Variants in TLL2 observed in about 807,000 individuals in gnomAD.
TLL2 encodes the protein tolloid-like protein 2.
In TLL2, 106 loss-of-function variants were observed where a neutral mutation model predicts 123.0. That is an observed-to-expected ratio of 0.86 (90% CI 0.74 to 1.01). The LOEUF is 1.01. TLL2 is among the 50% of genes least tolerant of loss of function. The probability of loss-of-function intolerance (pLI) is 0.00; values close to 1 mark genes in which losing one functional copy is unlikely to be tolerated. For missense variants in TLL2, 1,332 were observed against 1,336.7 expected (o/e 1.00, Z 0.06); for synonymous variants, 494 against 516.8 (o/e 0.96, Z 0.60).
intron 1 of TLL2, among the ~76,000 whole-genome samples, chr10:96,492,701 T>G (rs1267516601): frequency 2.0e-5 from 3 of 152,230 alleles, no homozygotes; most frequent in Non-Finnish European, 4.4e-5. Context: ...TAAGAAATGC[T>G]GTTAAACCAC....
chr10:96,409,923 A>G (rs1846484592), intron 9 of TLL2, among the ~76,000 whole-genome samples: 1 of 152,146 alleles, frequency 6.6e-6, no homozygotes, highest in South Asian at 2.1e-4. Flanking sequence ...GAGGAGTGTA[A>G]GATGCTTAGG....
chr10:96,503,849 G>A (rs1240052135), intron 1 of TLL2, among the ~76,000 whole-genome samples: 1 of 152,194 alleles, frequency 6.6e-6, no homozygotes, highest in Non-Finnish European at 1.5e-5. Flanking sequence ...ATGGGCTTTG[G>A]TGCTCAGGGA....
intron 1 of TLL2, among the ~76,000 whole-genome samples, chr10:96,481,382 G>A (rs186166673): frequency 1.3e-5 from 2 of 152,068 alleles, no homozygotes; most frequent in South Asian, 2.1e-4. Flanking sequence ...CTCCTGCCTC[G>A]GCCTCTCAAA....
At chr10:96,403,445 C>T (rs2134066559) in intron 10 of TLL2, among the ~76,000 whole-genome samples, 1 of 152,344 alleles carries the variant, frequency 6.6e-6, no homozygotes, top group South Asian at 2.1e-4. Context: ...CTGGAGCTCA[C>T]AAAAACATGT....
At position 96,487,400 on chromosome 10, in the gene TLL2, A is replaced by T. The variant is rs547448434; in HGVS notation, c.176-6941T>A. ...TTCCATCACCACTATTTGCCCTCCC[A>T]CCCCGACACACTCTTTCCTTTCTCT... On this transcript the variant is annotated intron_variant, in intron 1 of 20. Transcript: ENST00000357947. Among the ~76,000 whole-genome samples, 141 of 149,862 alleles carry T rather than the reference A, an allele frequency of 9.4e-4. 1 individual carries two copies. Among genetic ancestry groups the T allele is most frequent in the African/African-American group, 3.3e-3 (136 of 40,662 alleles).
intron 1 of TLL2, among the ~76,000 whole-genome samples, chr10:96,511,627 C>T (rs991050079): frequency 5.9e-5 from 9 of 152,350 alleles, no homozygotes; most frequent in South Asian, 2.1e-4. Context: ...GAGGCTGTAA[C>T]AGGCAAGCCT....
At chr10:96,480,213 AC>A in intron 2 of TLL2, 135 bp downstream of exon 2, 1 of 702,224 alleles carries the variant, frequency 1.4e-6, no homozygotes. Flanking sequence ...AGGAGAAGTG[AC>A]CCCTCTGATT....
chr10:96,405,128 G>C, intron 10 of TLL2, 104 bp downstream of exon 10: 4 of 1,047,548 alleles, frequency 3.8e-6, no homozygotes, highest in Non-Finnish European at 5.9e-6. Context: ...AGAGGCCCTT[G>C]AGAGTTTCCT....
intron 13 of TLL2, among the ~76,000 whole-genome samples, chr10:96,391,357 A>G (rs899778883): frequency 6.6e-6 from 1 of 152,220 alleles, no homozygotes; most frequent in African/African-American, 2.4e-5. Flanking sequence ...CTAGTAGGGA[A>G]CATGGGACCA....
At chr10:96,463,591 A>C (rs2134095659) in intron 2 of TLL2, among the ~76,000 whole-genome samples, 1 of 152,294 alleles carries the variant, frequency 6.6e-6, no homozygotes, top group African/African-American at 2.4e-5. Context: ...GCACCACCCA[A>C]ATGCAAAATG....
chr10:96,484,383 A>C (rs1345515573), intron 1 of TLL2, among the ~76,000 whole-genome samples: 1 of 152,202 alleles, frequency 6.6e-6, no homozygotes. Flanking sequence ...ATGGATACTT[A>C]AGGATTATTT....
At chr10:96,395,156 C>T in intron 13 of TLL2, 31 bp downstream of exon 13, 1 of 1,568,002 alleles carries the variant, frequency 6.4e-7, no homozygotes, top group Non-Finnish European at 8.7e-7. Context: ...CTTCTTGTGC[C>T]TAAAAGTGGA....
chr10:96,368,729 C>T (rs758752114), intron 20 of TLL2, among the ~76,000 whole-genome samples: 2 of 152,084 alleles, frequency 1.3e-5, no homozygotes, highest in Middle Eastern at 3.2e-3. Context: ...TCTGTCTCAT[C>T]CAAGGACAAA....
intron 1 of TLL2, among the ~76,000 whole-genome samples, chr10:96,495,791 G>A (rs551082649): frequency 1.2e-4 from 19 of 152,218 alleles, no homozygotes; most frequent in African/African-American, 3.6e-4. Flanking sequence ...AGTATGAGAA[G>A]CCTCCTGTCT....
intron 2 of TLL2, among the ~76,000 whole-genome samples, chr10:96,459,285 T>C (rs1847049297): frequency 2.0e-5 from 3 of 151,968 alleles, no homozygotes; most frequent in South Asian, 4.1e-4. Context: ...TCAAGAAGTT[T>C]CAAAAAATCA....
At chr10:96,468,172 A>G (rs1001411127) in intron 2 of TLL2, among the ~76,000 whole-genome samples, 3 of 152,040 alleles carry the variant, frequency 2.0e-5, no homozygotes, top group African/African-American at 7.2e-5. Context: ...ATCTGCTCCC[A>G]TTATTACTTC....
chr10:96,429,236 C>G (rs1221572050), intron 4 of TLL2, among the ~76,000 whole-genome samples: 2 of 151,944 alleles, frequency 1.3e-5, no homozygotes, highest in African/African-American at 4.8e-5. Flanking sequence ...CACCAGCCCC[C>G]AATGTAAGCA....
intron 9 of TLL2, among the ~76,000 whole-genome samples, chr10:96,408,398 G>T (rs1370982452): frequency 2.0e-5 from 3 of 152,186 alleles, no homozygotes; most frequent in African/African-American, 7.2e-5. Context: ...AAGCAGAAAT[G>T]GAAATAATTG....
At chr10:96,426,168 A>C (rs966102681) in intron 5 of TLL2, among the ~76,000 whole-genome samples, 1 of 152,096 alleles carries the variant, frequency 6.6e-6, no homozygotes, top group African/African-American at 2.4e-5. Flanking sequence ...TTGACCAATC[A>C]ATCTTGAGAA....
Sources: gnomAD v4.1 joint callset for allele counts (sites outside exome capture counted in the v4.1 genomes callset) on GRCh38, gnomAD v4.1.1 for gene constraint, MANE v1.5 for transcripts, NCBI Gene and HGNC (gene_info 2026-07-23, HGNC 2026-07-21) for gene names.